The following DMD variants were observed in gnomAD, a reference collection of about 807,000 sequenced individuals.
The protein encoded by DMD is dystrophin.
Under a neutral mutation model 330.1 loss-of-function variants are expected in DMD, and 63 were observed. That is an observed-to-expected ratio of 0.19 (90% CI 0.16 to 0.24). The LOEUF (loss-of-function observed/expected upper bound fraction) is 0.24, where lower values mean the gene tolerates loss of function less well. Ranked by LOEUF, DMD falls within the 10% of genes least tolerant of loss-of-function variation. The probability of loss-of-function intolerance (pLI) is 1.00; values close to 1 mark genes in which losing one functional copy is unlikely to be tolerated. For synonymous variants in DMD, 1,223 were observed against 959.8 expected (o/e 1.27, Z -5.07); for missense variants, 3,344 against 2,684.1 (o/e 1.25, Z -5.43).
intron 55 of DMD, among the ~76,000 whole-genome samples, chrX:31,548,009 A>T (rs1282227103): frequency 8.9e-6 from 1 of 111,911 alleles, no homozygotes; most frequent in Non-Finnish European, 1.9e-5. Context: ...AAGCCTCCAG[A>T]TCTGGAGCAA....
chrX:32,481,259 G>C (rs1261999551), intron 21 of DMD, among the ~76,000 whole-genome samples: 1 of 110,947 alleles, frequency 9.0e-6, no homozygotes, highest in East Asian at 2.9e-4. Flanking sequence ...CCTCTTCAAG[G>C]GTTGAAATGA....
chrX:32,268,582 C>A (rs1603629640), intron 43 of DMD, among the ~76,000 whole-genome samples: 1 of 111,429 alleles, frequency 9.0e-6, no homozygotes. Context: ...ACCACAGCTT[C>A]CTAGAATCAC....
chrX:33,111,411 A>G (rs1482413364), intron 1 of DMD, among the ~76,000 whole-genome samples: 2 of 112,062 alleles, frequency 1.8e-5, no homozygotes, highest in African/African-American at 6.5e-5. Flanking sequence ...TAAGCCTATC[A>G]TTTGGACGTC....
chrX:32,864,900 A>G (rs745495792), intron 2 of DMD, among the ~76,000 whole-genome samples: 188 of 112,321 alleles, frequency 1.7e-3, no homozygotes, highest in Non-Finnish European at 3.0e-3. Context: ...AGTAGTAAAC[A>G]GAAGAAAAAG....
chrX:32,102,062 C>A (rs2148110305), intron 44 of DMD: 1 of 111,625 alleles, frequency 9.0e-6, no homozygotes, highest in Admixed American at 9.5e-5. Context: ...AAGGCTCTAA[C>A]AAGTCTACAG....
At chrX:32,370,992 A>T (rs2097874489) in intron 34 of DMD, among the ~76,000 whole-genome samples, 1 of 111,110 alleles carries the variant, frequency 9.0e-6, no homozygotes, top group South Asian at 3.8e-4. Context: ...TTAGAGTTAG[A>T]CCAATTAAAT....
chrX:32,117,156 A>T (rs766529635), intron 44 of DMD, among the ~76,000 whole-genome samples: 15 of 111,090 alleles, frequency 1.4e-4, no homozygotes, highest in Non-Finnish European at 2.6e-4. Context: ...GCCAGACGAC[A>T]AATGGGAATT....
chrX:31,122,429 C>A (rs779450301), intron 78 of DMD, among the ~76,000 whole-genome samples: 1 of 111,293 alleles, frequency 9.0e-6, no homozygotes, highest in Admixed American at 9.6e-5. Context: ...ACCCAACCAT[C>A]GTCACCATTA....
At chrX:31,879,840 A>G (rs2094032006) in intron 47 of DMD, among the ~76,000 whole-genome samples, 1 of 112,559 alleles carries the variant, frequency 8.9e-6, no homozygotes, top group East Asian at 2.8e-4. Flanking sequence ...AAATTAATTT[A>G]CATTTATATT....
At chrX:31,674,227 T>C (rs2081961842) in intron 53 of DMD, among the ~76,000 whole-genome samples, 1 of 112,344 alleles carries the variant, frequency 8.9e-6, no homozygotes, top group African/African-American at 3.2e-5. Context: ...CTTCCACAGA[T>C]AACTAAAAAT....
intron 47 of DMD, among the ~76,000 whole-genome samples, chrX:31,880,237 C>T (rs1279890415): frequency 2.7e-5 from 3 of 111,073 alleles, no homozygotes; most frequent in Admixed American, 9.6e-5. Flanking sequence ...AAAATATTGG[C>T]GTGGGGAAGC....
At chrX:32,081,267 G>A (rs902889660) in intron 44 of DMD, among the ~76,000 whole-genome samples, 7 of 112,192 alleles carry the variant, frequency 6.2e-5, no homozygotes, top group Non-Finnish European at 1.3e-4. Flanking sequence ...ACAACAGAGT[G>A]CACACTGCTT....
At chrX:32,725,287 T>C (rs967457071) in intron 7 of DMD, among the ~76,000 whole-genome samples, 1 of 111,081 alleles carries the variant, frequency 9.0e-6, no homozygotes, top group Non-Finnish European at 1.9e-5. Context: ...ATATCATGGA[T>C]CATAGTCACT....
At chrX:31,889,000 C>T (rs1177634785) in intron 47 of DMD, among the ~76,000 whole-genome samples, 1 of 111,795 alleles carries the variant, frequency 8.9e-6, no homozygotes, top group Non-Finnish European at 1.9e-5. Flanking sequence ...CAGTGAAGTC[C>T]CCTGTGTCAA....
chrX:31,407,272 C>T (rs1295867527), intron 60 of DMD, among the ~76,000 whole-genome samples: 1 of 110,651 alleles, frequency 9.0e-6, no homozygotes, highest in African/African-American at 3.3e-5. Flanking sequence ...TCAAGCAATT[C>T]TCCTGCCTCA....
chrX:32,559,617 A>C (rs994318986), intron 16 of DMD, among the ~76,000 whole-genome samples: 1 of 111,747 alleles, frequency 8.9e-6, no homozygotes, highest in African/African-American at 3.2e-5. Context: ...GTGAACATAA[A>C]ATATTTTATG....
chrX:31,314,105 G>A (rs1315998961), intron 62 of DMD, among the ~76,000 whole-genome samples: 2 of 112,035 alleles, frequency 1.8e-5, no homozygotes, highest in Admixed American at 1.9e-4. Flanking sequence ...AAAGTGCTGG[G>A]ATTACAGGCA....
chrX:31,269,534 T>A (rs1250470362), intron 62 of DMD, among the ~76,000 whole-genome samples: 2 of 111,816 alleles, frequency 1.8e-5, no homozygotes, highest in Non-Finnish European at 3.8e-5. Context: ...CGAAGACTCA[T>A]GCGCTTAGCT....
intron 1 of DMD, among the ~76,000 whole-genome samples, chrX:33,057,713 GATA>G (rs2094534264): frequency 9.0e-6 from 1 of 111,692 alleles, no homozygotes; most frequent in South Asian, 3.7e-4. Context: ...AATCATTATA[GATA>G]ACTTTGGCCA....
Sources: allele counts gnomAD v4.1 joint callset (sites outside exome capture counted in the v4.1 genomes callset), GRCh38; gene constraint gnomAD v4.1.1; transcripts MANE v1.5; gene names NCBI Gene and HGNC (gene_info 2026-07-23, HGNC 2026-07-21).